IL1RAPL1: variants seen among roughly 807,000 people sequenced by gnomAD.
IL1RAPL1 encodes the protein interleukin-1 receptor accessory protein-like 1.
Under a neutral mutation model 48.4 loss-of-function variants are expected in IL1RAPL1, and 3 were observed. That is an observed-to-expected ratio of 0.06 (90% confidence interval 0.03 to 0.16). The LOEUF (loss-of-function observed/expected upper bound fraction) is 0.16, where lower values mean the gene tolerates loss of function less well. Ranked by LOEUF, IL1RAPL1 falls within the 10% of genes least tolerant of loss-of-function variation. The probability of loss-of-function intolerance (pLI) is 1.00; values close to 1 mark genes in which losing one functional copy is unlikely to be tolerated. For synonymous variants in IL1RAPL1, 185 were observed against 187.7 expected (o/e 0.99, Z 0.12); for missense variants, 349 against 530.6 (o/e 0.66, Z 3.36).
At chrX:29,890,789 C>T (rs1932262140) in intron 6 of IL1RAPL1, among the ~76,000 whole-genome samples, 1 of 112,054 alleles carries the variant, frequency 8.9e-6, no homozygotes, top group Admixed American at 9.5e-5. Flanking sequence ...CTCACGGCAT[C>T]TGGGTCTTCA....
chrX:29,908,439 C>T (rs993103692), intron 6 of IL1RAPL1, among the ~76,000 whole-genome samples: 1 of 107,377 alleles, frequency 9.3e-6, no homozygotes, highest in African/African-American at 3.4e-5. Flanking sequence ...CTCTTAAGAC[C>T]CACATTCTCT....
chrX:29,791,877 C>T (rs1465255930), intron 6 of IL1RAPL1, among the ~76,000 whole-genome samples: 1 of 108,523 alleles, frequency 9.2e-6, no homozygotes, highest in Non-Finnish European at 1.9e-5. Context: ...ACTACAGGCA[C>T]GCACCAATAC....
intron 5 of IL1RAPL1, among the ~76,000 whole-genome samples, chrX:29,568,795 A>G (rs1280330841): frequency 1.8e-5 from 2 of 111,629 alleles, no homozygotes; most frequent in Non-Finnish European, 3.8e-5. Flanking sequence ...AGAGACCAAG[A>G]GTTTTCTGGT....
chrX:29,394,027 G>C (rs764933886), intron 3 of IL1RAPL1, among the ~76,000 whole-genome samples: 1 of 109,491 alleles, frequency 9.1e-6, no homozygotes, highest in Admixed American at 1.0e-4. Context: ...TTCTTTTTCA[G>C]TGTTTTTTAT....
At position 29,820,431 on chromosome X, in the gene IL1RAPL1, C is replaced by T. The variant is rs183324287; in HGVS notation, c.779-97033C>T. Among the ~76,000 whole-genome samples, 20 of 111,809 alleles carry T rather than the reference C, an allele frequency of 1.8e-4. No homozygotes were observed. In the East Asian group the frequency reaches 3.4e-3, roughly 19 times the overall value. ...TGTAGAACAAAGATAAAAACAGCTG[C>T]GGGTTGAAGCAGAGCTGACTATTCA... On this transcript the variant is annotated intron_variant, in intron 6 of 10. Coordinates refer to ENST00000378993, the MANE Select transcript of IL1RAPL1 (RefSeq NM_014271.4).
intron 5 of IL1RAPL1, among the ~76,000 whole-genome samples, chrX:29,445,076 A>G (rs1934597304): frequency 8.9e-6 from 1 of 112,464 alleles, no homozygotes; most frequent in African/African-American, 3.2e-5. Flanking sequence ...TTGCACAGTT[A>G]CTGCCCACTT....
rs901677948 is a variant in IL1RAPL1 at position 29,326,375 on chromosome X, A to G, written c.362+43158A>G. ...TCTGAAACATTTTGTCCAAGGAAAAAGTTTCTTATTGAATTTGAACTTACA... is the reference window on the plus strand; with the variant it reads ...TCTGAAACATTTTGTCCAAGGAAAAGGTTTCTTATTGAATTTGAACTTACA... On this transcript the variant is annotated intron_variant, in intron 3 of 10. Transcript: ENST00000378993. Among the ~76,000 whole-genome samples, 4 of 112,165 alleles carry G rather than the reference A, an allele frequency of 3.6e-5. No homozygotes were observed. The South Asian group carries it at 1.5e-3, about 41-fold the overall frequency.
chrX:28,724,249 A>G (rs1363147369), intron 1 of IL1RAPL1, among the ~76,000 whole-genome samples: 7 of 110,337 alleles, frequency 6.3e-5, no homozygotes, highest in African/African-American at 2.3e-4. Context: ...GTAGATCTCT[A>G]AGGACTTGCT....
chrX:28,658,536 CTTTT>C (rs763460152), intron 1 of IL1RAPL1, among the ~76,000 whole-genome samples: 1 of 102,030 alleles, frequency 9.8e-6, no homozygotes, highest in Non-Finnish European at 2.0e-5. Flanking sequence ...TAGTTTTTGT[CTTTT>C]TTTTTTTTTA....
intron 2 of IL1RAPL1, among the ~76,000 whole-genome samples, chrX:29,002,092 G>A (rs1347547182): frequency 1.8e-5 from 2 of 108,576 alleles, no homozygotes. Flanking sequence ...AGTAGAAACG[G>A]GGTTTCACCA....
chrX:28,768,597 G>A (rs970035117), intron 1 of IL1RAPL1, among the ~76,000 whole-genome samples: 8 of 106,821 alleles, frequency 7.5e-5, no homozygotes, highest in African/African-American at 2.7e-4. Context: ...CAGCCTGTGT[G>A]TCAAATCATT....
Position 28,601,004 on chromosome X carries a change from A to G in IL1RAPL1, c.-25+12957A>G, listed in dbSNP as rs1236353908. Among the ~76,000 whole-genome samples the G allele has an allele frequency of 3.6e-5, 4 of 112,111 alleles. No homozygotes were observed. The East Asian group carries it at 8.4e-4, about 23-fold the overall frequency. On this transcript the variant is annotated intron_variant, in intron 1 of 10. Coordinates refer to ENST00000378993, the MANE Select transcript of IL1RAPL1 (RefSeq NM_014271.4). The stretch of plus-strand genomic sequence containing the variant: ...CTATAAAGATTTTCAATCAAGTTAA[A>G]TACACTGACACTTAATTTTGCCAGT...
intron 2 of IL1RAPL1, among the ~76,000 whole-genome samples, chrX:29,149,890 G>A (rs56224601): frequency 0.059 from 6,560 of 111,438 alleles, 193 homozygotes; most frequent in African/African-American, 0.11. Flanking sequence ...AAGTGGAAAG[G>A]AAAGTAGAGT....
At chrX:29,465,185 G>C (rs750281332) in intron 5 of IL1RAPL1, among the ~76,000 whole-genome samples, 6 of 111,627 alleles carry the variant, frequency 5.4e-5, no homozygotes, top group Non-Finnish European at 1.1e-4. Context: ...CAAGAGGATA[G>C]ATTGAGCTCA....
chrX:29,899,952 G>A (rs1320287340), intron 6 of IL1RAPL1, among the ~76,000 whole-genome samples: 1 of 111,832 alleles, frequency 8.9e-6, no homozygotes, highest in Non-Finnish European at 1.9e-5. Flanking sequence ...AGCTTCAGTT[G>A]TTCAAACTGC....
At chrX:29,100,517 C>T (rs760610620) in intron 2 of IL1RAPL1, among the ~76,000 whole-genome samples, 16 of 111,846 alleles carry the variant, frequency 1.4e-4, no homozygotes, top group Admixed American at 1.9e-4. Flanking sequence ...TGAAAGTCTA[C>T]TCCTGTGGTA....
intron 6 of IL1RAPL1, among the ~76,000 whole-genome samples, chrX:29,917,220 G>A (rs1271153687): frequency 8.9e-6 from 1 of 112,174 alleles, no homozygotes; most frequent in East Asian, 2.8e-4. Context: ...AAAATGTTCT[G>A]TACAATAGCC....
At chrX:29,625,407 T>C (rs1160055724) in intron 5 of IL1RAPL1, among the ~76,000 whole-genome samples, 4 of 112,023 alleles carry the variant, frequency 3.6e-5, no homozygotes, top group African/African-American at 1.3e-4. Context: ...CTAGCTATTA[T>C]AAAAATTATA....
At chrX:29,562,118 CT>C (rs1922247744) in intron 5 of IL1RAPL1, among the ~76,000 whole-genome samples, 3 of 24,701 alleles carry the variant, frequency 1.2e-4, no homozygotes, top group South Asian at 4.0e-3. Context: ...TCTATCTAAT[CT>C]ATCTATCTAT....
Sources: gnomAD v4.1 joint callset for allele counts (sites outside exome capture counted in the v4.1 genomes callset) on GRCh38, gnomAD v4.1.1 for gene constraint, MANE v1.5 for transcripts, NCBI Gene and HGNC (gene_info 2026-07-23, HGNC 2026-07-21) for gene names.